Variants in ADAMTSL1 observed in about 807,000 individuals in gnomAD.
ADAMTSL1 encodes ADAMTS-like protein 1.
In ADAMTSL1, 126 loss-of-function variants were observed where a neutral mutation model predicts 201.8. That is an observed-to-expected ratio of 0.62 (90% CI 0.54 to 0.72). ADAMTSL1 has a LOEUF of 0.72. ADAMTSL1 is among the 30% of genes least tolerant of loss of function. The pLI, the probability that ADAMTSL1 is intolerant of heterozygous loss-of-function variation, is 0.00. For missense variants in ADAMTSL1, 2,679 were observed against 2,277.8 expected, an observed-to-expected ratio of 1.18 and a Z score of -3.59; for synonymous variants, 1,121 against 903.4, an observed-to-expected ratio of 1.24 and a Z score of -4.32.
In ADAMTSL1 at chr9:18,710,661, G is replaced by GTTTTTTTTTTTTT. The variant is rs1352571180; in HGVS notation, c.1876+3617_1876+3618insTTTTTTTTTTTTT. ...TCCTTGCAGTCTTAGAAGGGCCTAAGTTTTGTTTTGTTTTTTTTTTTTTTT... is the reference window on the plus strand; with the variant it reads ...TCCTTGCAGTCTTAGAAGGGCCTAAGTTTTTTTTTTTTTTTTTGTTTTGTTTTTTTTTTTTTTT... On this transcript the variant is annotated intron_variant, in intron 14 of 28. Transcript: ENST00000380548. Among the ~76,000 whole-genome samples the GTTTTTTTTTTTTT allele has an allele frequency of 3.8e-5, 3 of 79,644 alleles. 1 individual carries two copies. Among genetic ancestry groups the GTTTTTTTTTTTTT allele is most frequent in the Non-Finnish European group, 4.9e-5 (2 of 40,734 alleles). The allele number at this position is 79,644 out of a possible 152,430, so 52.2% of individuals were successfully genotyped here. A position where few individuals can be genotyped will look rare whatever the true frequency, so the allele number is the denominator to read the frequency against.
intron 3 of ADAMTSL1, among the ~76,000 whole-genome samples, chr9:18,546,335 C>T (rs1449643233): frequency 2.0e-5 from 3 of 152,020 alleles, no homozygotes; most frequent in Non-Finnish European, 4.4e-5. Context: ...TTTTTAGAGA[C>T]AGGATCTTGC....
chr9:18,697,753 ATTT>A (rs1174977115), intron 13 of ADAMTSL1, among the ~76,000 whole-genome samples: 1 of 152,178 alleles, frequency 6.6e-6, no homozygotes, highest in Non-Finnish European at 1.5e-5. Flanking sequence ...ATAACTCCTG[ATTT>A]TTTACTTGAG....
At chr9:18,016,034 C>T (rs974357956) in intron 1 of ADAMTSL1, among the ~76,000 whole-genome samples, 1 of 151,944 alleles carries the variant, frequency 6.6e-6, no homozygotes, top group East Asian at 1.9e-4. Flanking sequence ...GCCTTGTATG[C>T]CAGGTAACAA....
intron 23 of ADAMTSL1, among the ~76,000 whole-genome samples, chr9:18,838,379 ACACACACACACACACACACACAC>A (rs1825461132): frequency 7.3e-6 from 1 of 136,826 alleles, no homozygotes; most frequent in African/African-American, 2.6e-5. Flanking sequence ...ACACACACAC[ACACACACACACACACACACACAC>A]GCAAAAACCT....
intron 1 of ADAMTSL1, among the ~76,000 whole-genome samples, chr9:17,961,954 G>A (rs921086196): frequency 2.0e-5 from 3 of 152,152 alleles, no homozygotes; most frequent in African/African-American, 7.2e-5. Flanking sequence ...AAACATAGTA[G>A]CATTCACTCT....
At chr9:18,340,610 G>A (rs1164229651) in intron 2 of ADAMTSL1, among the ~76,000 whole-genome samples, 1 of 152,124 alleles carries the variant, frequency 6.6e-6, no homozygotes, top group East Asian at 1.9e-4. Flanking sequence ...TCCATGTGTT[G>A]TGGGAGGGAC....
intron 1 of ADAMTSL1, among the ~76,000 whole-genome samples, chr9:18,105,262 A>G (rs1035098801): frequency 1.3e-5 from 2 of 152,156 alleles, no homozygotes; most frequent in Non-Finnish European, 2.9e-5. Flanking sequence ...AGTGTTAATT[A>G]TCCGTGACCT....
intron 2 of ADAMTSL1, among the ~76,000 whole-genome samples, chr9:18,311,904 GA>G (rs893966048): frequency 6.6e-6 from 1 of 151,010 alleles, no homozygotes; most frequent in Admixed American, 6.6e-5. Context: ...AGTGGGCAAG[GA>G]AAAAAAAATG....
chr9:18,549,246 CACA>C (rs994639496), intron 3 of ADAMTSL1, among the ~76,000 whole-genome samples: 9 of 151,878 alleles, frequency 5.9e-5, no homozygotes, highest in Non-Finnish European at 4.4e-5. Flanking sequence ...ACAGAGTACC[CACA>C]AAAGAATGAA....
intron 4 of ADAMTSL1, 131 bp from the exon 5 acceptor site, chr9:18,622,112 A>T: frequency 8.6e-7 from 1 of 1,158,312 alleles, no homozygotes; most frequent in South Asian, 1.6e-5. Context: ...AGTTGAATTC[A>T]GTCCCCTTCA....
At chr9:18,035,557 C>A (rs1563961810) in intron 1 of ADAMTSL1, among the ~76,000 whole-genome samples, 1 of 152,126 alleles carries the variant, frequency 6.6e-6, no homozygotes, top group Non-Finnish European at 1.5e-5. Context: ...AGTCTTTGTT[C>A]AGATGATCCC....
intron 4 of ADAMTSL1, among the ~76,000 whole-genome samples, chr9:18,580,743 T>C (rs1823043145): frequency 6.6e-6 from 1 of 152,150 alleles, no homozygotes; most frequent in African/African-American, 2.4e-5. Flanking sequence ...TCTAACAAAT[T>C]TTACTTAGGA....
chr9:18,906,889 G>A lies in ADAMTSL1; in HGVS notation c.5159G>A (p.Cys1720Tyr). ...WGPRPANWQR[C>Y]NITPCENMEC... ...CCCCGGCCTGCCAACTGGCAGCGCT[G>A]CAACATCACCCCATGTGAAAACAGT... Residue 1720 changes from cysteine to tyrosine, a missense_variant, in exon 28 of 29, where the codon TGC becomes TAC. Cys to Tyr is a radical substitution (Grantham distance 194). Transcript: ENST00000380548. 6.2e-7 allele frequency: 1 copy of A among 1,613,978 alleles called. No homozygotes were observed. Among genetic ancestry groups the A allele is most frequent in the East Asian group, 2.2e-5 (1 of 44,884 alleles).
chr9:18,312,129 G>A (rs963209707), intron 2 of ADAMTSL1, among the ~76,000 whole-genome samples: 1 of 152,202 alleles, frequency 6.6e-6, no homozygotes, highest in African/African-American at 2.4e-5. Context: ...GATGAAATTA[G>A]GGGTACAGAT....
intron 15 of ADAMTSL1, among the ~76,000 whole-genome samples, chr9:18,733,032 G>A (rs1047897959): frequency 6.6e-6 from 1 of 152,138 alleles, no homozygotes; most frequent in African/African-American, 2.4e-5. Context: ...TCCAAACTTG[G>A]AACAAGGTAT....
At chr9:18,878,188 C>G (rs1303584201) in intron 23 of ADAMTSL1, among the ~76,000 whole-genome samples, 2 of 152,204 alleles carry the variant, frequency 1.3e-5, no homozygotes, top group African/African-American at 4.8e-5. Context: ...TTGGCCCAGG[C>G]TACAAGCCTC....
At chr9:18,112,124 TA>T (rs1009544658) in intron 1 of ADAMTSL1, among the ~76,000 whole-genome samples, 3 of 152,106 alleles carry the variant, frequency 2.0e-5, no homozygotes, top group Admixed American at 1.3e-4. Context: ...CACCCTGTTC[TA>T]GGATCCTACT....
chr9:17,960,989 T>C (rs1413452373), intron 1 of ADAMTSL1, among the ~76,000 whole-genome samples: 2 of 152,174 alleles, frequency 1.3e-5, no homozygotes, highest in Non-Finnish European at 2.9e-5. Flanking sequence ...ATATACCAGT[T>C]CAGTCAGGCT....
In ADAMTSL1 at chr9:18,777,486, C is replaced by T. The variant is rs1465900286; in HGVS notation, c.3257C>T (p.Ser1086Phe). The change falls in exon 19 of 29, where the codon TCC becomes TTC. Residue 1086 changes from serine (S) to phenylalanine (F), a missense_variant. By Grantham distance (155) the Ser-to-Phe change is radical. Transcript: ENST00000380548. Reference protein sequence around the residue: ...RRLDDILGNLSQQPEELRDLY... With the variant: ...RRLDDILGNLFQQPEELRDLY... ...CTGGACGACATCCTGGGGAACCTCT[C>T]CCAGCAGCCCGAGGAGCTGCGCGAC... 2.5e-6 allele frequency: 4 copies of T among 1,593,918 alleles called. No homozygotes were observed. The highest frequency in any genetic ancestry group is 4.6e-5 in the East Asian group (2 of 43,714).
Sources: allele counts gnomAD v4.1 joint callset (sites outside exome capture counted in the v4.1 genomes callset), GRCh38; gene constraint gnomAD v4.1.1; transcripts MANE v1.5; gene names NCBI Gene and HGNC (gene_info 2026-07-23, HGNC 2026-07-21).